Variants in SCN11A observed in about 807,000 individuals in gnomAD.
SCN11A encodes the protein sodium voltage-gated channel alpha subunit 11.
Under a neutral mutation model 162.2 loss-of-function variants are expected in SCN11A, and 122 were observed. The ratio of observed to expected loss-of-function variants is 0.75; its 90% CI spans 0.65 to 0.87. The LOEUF is 0.87. Ranked by LOEUF, SCN11A falls within the 40% of genes least tolerant of loss-of-function variation. The pLI, the probability that SCN11A is intolerant of heterozygous loss-of-function variation, is 0.00. For missense variants in SCN11A, 2,015 were observed against 2,181.6 expected (o/e 0.92, Z 1.52); for synonymous variants, 758 against 751.5 (o/e 1.01, Z -0.14).
At chr3:39,003,813 C>G (rs919150028) in intron 2 of SCN11A, among the ~76,000 whole-genome samples, 4 of 152,156 alleles carry the variant, frequency 2.6e-5, no homozygotes, top group African/African-American at 9.7e-5. Context: ...TGCTTGTTGG[C>G]CGCACATATG....
chr3:39,033,344 A>G (rs2031815668), intron 1 of SCN11A, among the ~76,000 whole-genome samples: 1 of 151,140 alleles, frequency 6.6e-6, no homozygotes, highest in Non-Finnish European at 1.5e-5. Context: ...TTTATTAGAC[A>G]TGTGAGGTTT....
intron 1 of SCN11A, among the ~76,000 whole-genome samples, chr3:39,036,350 G>C (rs2031905305): frequency 1.3e-5 from 2 of 151,806 alleles, no homozygotes; most frequent in South Asian, 2.1e-4. Flanking sequence ...TTGCCATGTT[G>C]GCCAGGCTGA....
chr3:38,924,223 C>CA (rs1422375223), intron 9 of SCN11A, among the ~76,000 whole-genome samples: 3 of 151,844 alleles, frequency 2.0e-5, no homozygotes, highest in Non-Finnish European at 4.4e-5. Flanking sequence ...GACTCCCCTT[C>CA]AGTCCTTTTT....
At chr3:38,940,054 A>G (rs116759784) in intron 7 of SCN11A, among the ~76,000 whole-genome samples, 10,004 of 99,560 alleles carry the variant, frequency 0.1, 383 homozygotes, top group Middle Eastern at 0.15. Flanking sequence ...ACTGATGTAC[A>G]TACATATATA....
intron 23 of SCN11A, among the ~76,000 whole-genome samples, chr3:38,874,670 T>C (rs1241974989): frequency 6.6e-6 from 1 of 152,220 alleles, no homozygotes; most frequent in African/African-American, 2.4e-5. Context: ...ATAGAACTAG[T>C]GTATATTTCA....
chr3:38,990,842 A>G (rs1382541678), intron 2 of SCN11A, among the ~76,000 whole-genome samples: 1 of 152,130 alleles, frequency 6.6e-6, no homozygotes, highest in East Asian at 1.9e-4. Flanking sequence ...AGTCTGACTC[A>G]GGGGTCTGTG....
chr3:38,913,646 T>C (rs773126330), intron 11 of SCN11A, among the ~76,000 whole-genome samples: 3 of 152,226 alleles, frequency 2.0e-5, no homozygotes, highest in Non-Finnish European at 2.9e-5. Flanking sequence ...ATTTAAGTCT[T>C]TAATCCATCT....
chr3:38,921,289 T>A, intron 9 of SCN11A, 34 bp from the exon 10 acceptor site: 2 of 1,600,270 alleles, frequency 1.2e-6, no homozygotes, highest in Non-Finnish European at 1.7e-6. Context: ...GAGAAGCCCA[T>A]CCCCCTCAGC....
At chr3:38,990,187 G>A (rs1458279934) in intron 2 of SCN11A, among the ~76,000 whole-genome samples, 1 of 152,142 alleles carries the variant, frequency 6.6e-6, no homozygotes, top group Non-Finnish European at 1.5e-5. Flanking sequence ...CGACTTCTGG[G>A]GAATATAAAG....
chr3:38,894,561 C>A lies in SCN11A; in HGVS notation c.2807G>T (p.Arg936Leu). Residue 936 changes from arginine (R) to leucine (L), a missense_variant, in exon 19 of 30, where the codon CGC becomes CTC. Physicochemically the swap from Arg to Leu is moderately radical, Grantham distance 102 (BLOSUM62 -2). Coordinates refer to ENST00000302328, the MANE Select transcript of SCN11A (RefSeq NM_001349253.2). The part of the protein sequence containing the change: ...VEFSGEDNAQ[R>L]ITQPEPEQQA... ...TTGTTCAGGCTCAGGTTGTGTGATG[C>A]GCTGTGCATTATCTTCACCAGAAAA... 1 of 1,611,102 alleles carries A rather than the reference C, an allele frequency of 6.2e-7. No individual in the cohort carries two copies.
At chr3:38,979,203 A>T (rs905415685) in intron 2 of SCN11A, among the ~76,000 whole-genome samples, 1 of 152,208 alleles carries the variant, frequency 6.6e-6, no homozygotes, top group South Asian at 2.1e-4. Flanking sequence ...ATTTAATAGT[A>T]TTTGCTGAAT....
At chr3:38,908,806 G>GT (rs1342810682) in intron 13 of SCN11A, among the ~76,000 whole-genome samples, 191 bp downstream of exon 13, 2 of 152,168 alleles carry the variant, frequency 1.3e-5, no homozygotes, top group African/African-American at 4.8e-5. Flanking sequence ...GAAGGGCCTG[G>GT]TGCCTGGACA....
chr3:39,041,759 C>G (rs2032052954), intron 1 of SCN11A, among the ~76,000 whole-genome samples: 1 of 151,762 alleles, frequency 6.6e-6, no homozygotes, highest in South Asian at 2.1e-4. Context: ...CACAAAAGTA[C>G]AAAACTAACT....
At chr3:38,966,414 T>A (rs2066782935) in intron 2 of SCN11A, among the ~76,000 whole-genome samples, 1 of 152,152 alleles carries the variant, frequency 6.6e-6, no homozygotes, top group Non-Finnish European at 1.5e-5. Flanking sequence ...GTAGGAGTAT[T>A]TTACAAAAAA....
intron 11 of SCN11A, 125 bp from the exon 12 acceptor site, chr3:38,910,332 A>G (rs982195909): frequency 2.5e-5 from 22 of 882,712 alleles, no homozygotes; most frequent in Admixed American, 1.3e-4. Flanking sequence ...GGAAGGGAGT[A>G]TTTGTAAAGT....
Position 38,907,913 on chromosome 3 carries a change from C to A in SCN11A, c.1473+36G>T, listed in dbSNP as rs756586207. 6 of 1,554,190 alleles carry A rather than the reference C, an allele frequency of 3.9e-6. No individual in the cohort carries two copies. In the Admixed American group the frequency reaches 1.2e-4, roughly 32 times the overall value. On this transcript the variant is annotated intron_variant, in intron 14 of 29. Coordinates refer to ENST00000302328, the MANE Select transcript of SCN11A (RefSeq NM_001349253.2). Reference sequence around the variant, plus strand: ...CAATTGGACCTGTCCCCCTGGACAGCAATATGGTATCATTAATTCCCTGGA... The same window carrying A: ...CAATTGGACCTGTCCCCCTGGACAGAAATATGGTATCATTAATTCCCTGGA...
At chr3:38,940,216 AT>A (rs1415157814) in intron 7 of SCN11A, among the ~76,000 whole-genome samples, 1 of 152,108 alleles carries the variant, frequency 6.6e-6, no homozygotes, top group Non-Finnish European at 1.5e-5. Flanking sequence ...CTTTAAAGCA[AT>A]TAGAGGAACA....
Position 38,919,987 on chromosome 3 carries a change from T to G in SCN11A, c.907A>C (p.Lys303Gln). The change falls in exon 11 of 30, where the codon AAG becomes CAG. Residue 303 changes from lysine to glutamine, a missense_variant. Physicochemically the swap from Lys to Gln is moderately conservative, Grantham distance 53. Coordinates refer to ENST00000302328, the MANE Select transcript of SCN11A (RefSeq NM_001349253.2). ...NPEAYDHCFE[K>Q]KENSPEFKMC... is the part of the protein sequence containing the mutation. The stretch of plus-strand genomic sequence containing the variant: ...TTGAATTCAGGTGAATTTTCTTTCT[T>G]TTCAAAGCAATGGTCTGAGAGAGGA... 6.2e-7 allele frequency: 1 copy of G among 1,613,004 alleles called. No homozygotes were observed. The highest frequency in any genetic ancestry group is 8.5e-7 in the Non-Finnish European group (1 of 1,179,264).
At chr3:38,967,350 C>T (rs954971927) in intron 2 of SCN11A, among the ~76,000 whole-genome samples, 5 of 152,188 alleles carry the variant, frequency 3.3e-5, no homozygotes, top group Admixed American at 3.3e-4. Flanking sequence ...TCTTGGATTG[C>T]TCACTCTGGA....
Sources: gnomAD v4.1 joint callset for allele counts (sites outside exome capture counted in the v4.1 genomes callset) on GRCh38, gnomAD v4.1.1 for gene constraint, MANE v1.5 for transcripts, NCBI Gene and HGNC (gene_info 2026-07-23, HGNC 2026-07-21) for gene names.